Variants in PKHD1L1 observed in about 807,000 individuals in gnomAD.
PKHD1L1 encodes fibrocystin-L.
In PKHD1L1, 434 loss-of-function variants were observed where a neutral mutation model predicts 462.9. That is an observed-to-expected ratio of 0.94 (90% confidence interval 0.87 to 1.02). The LOEUF (loss-of-function observed/expected upper bound fraction) is 1.02. Ranked by LOEUF, PKHD1L1 falls within the 50% of genes least tolerant of loss-of-function variation. The probability of loss-of-function intolerance (pLI) is 0.00; values close to 1 mark genes in which losing one functional copy is unlikely to be tolerated. For missense variants in PKHD1L1, 5,202 were observed against 5,096.1 expected (o/e 1.02, Z -0.63); for synonymous variants, 1,781 against 1,750.0 (o/e 1.02, Z -0.44).
chr8:109,382,609 A>G, intron 4 of PKHD1L1, 38 bp downstream of exon 4: 1 of 1,528,002 alleles, frequency 6.5e-7, no homozygotes. Flanking sequence ...TGTATAGTTG[A>G]TCTTGCTTTC....
rs539383861 is a variant in PKHD1L1 at position 109,505,726 on chromosome 8, C to T, written c.10994+1234C>T. 2.2e-3 allele frequency among the ~76,000 whole-genome samples: 331 copies of T among 151,126 alleles called. 1 individual carries two copies. The highest frequency in any genetic ancestry group is 3.8e-3 in the Non-Finnish European group (259 of 67,802). ...CCAGCCTGGGCAACATAGGGAGATA[C>T]CATCTCTACAAAAAATTAAAAAATA... On this transcript the variant is annotated intron_variant, in intron 68 of 77. Transcript: ENST00000378402.
At position 109,449,223 on chromosome 8, in the gene PKHD1L1, A is replaced by G. The variant is rs558102341; in HGVS notation, c.6026-115A>G. On this transcript the variant is annotated intron_variant, in intron 39 of 77. Coordinates refer to ENST00000378402, the MANE Select transcript of PKHD1L1 (RefSeq NM_177531.6). Reference sequence around the variant, plus strand: ...TGCACTATAATTTCAGTTCTAAAAAACTCTTCATTTAATGTAACTTACTTT... The same window carrying G: ...TGCACTATAATTTCAGTTCTAAAAAGCTCTTCATTTAATGTAACTTACTTT... 7.8e-6 allele frequency: 8 copies of G among 1,031,106 alleles called. No individual in the cohort carries two copies. The East Asian group carries it at 1.9e-4, about 24-fold the overall frequency. The allele number at this position is 1,031,106 out of a possible 1,614,324, so 63.9% of individuals were successfully genotyped here.
intron 10 of PKHD1L1, among the ~76,000 whole-genome samples, 183 bp from the exon 11 acceptor site, chr8:109,395,844 A>T (rs944244274): frequency 6.6e-6 from 1 of 152,178 alleles, no homozygotes; most frequent in Non-Finnish European, 1.5e-5. Flanking sequence ...TGTCAATGCC[A>T]TGTCTATTGT....
Position 109,445,228 on chromosome 8 carries a change from C to G in PKHD1L1, c.5359C>G (p.Gln1787Glu). 6.2e-7 allele frequency: 1 copy of G among 1,614,010 alleles called. No individual in the cohort carries two copies. Among genetic ancestry groups the G allele is most frequent in the South Asian group, 1.1e-5 (1 of 91,086 alleles). ...CATTGCTGTTTTCATTGGAAATCAACAGTTCAGAGCAATAGAGGTTAATGA... is the reference window on the plus strand; with the variant it reads ...CATTGCTGTTTTCATTGGAAATCAAGAGTTCAGAGCAATAGAGGTTAATGA... ...EDIAVFIGNQQFRAIEVNENN... is the reference protein window; with the variant it reads ...EDIAVFIGNQEFRAIEVNENN... The change falls in exon 38 of 78, where the codon CAG becomes GAG. Residue 1787 changes from glutamine to glutamate, a missense_variant. Around this residue, in one of 3 missense-constraint regions of PKHD1L1, gnomAD observed 4,497 missense variants for 4,336.8 expected, o/e 1.04. Coordinates refer to ENST00000378402, the MANE Select transcript of PKHD1L1 (RefSeq NM_177531.6).
Position 109,445,286 on chromosome 8 carries a change from C to G in PKHD1L1, c.5417C>G (p.Pro1806Arg). ...ATCACTGCTCTTGTGACTCCTCTCCCAGTTGGACATCATTCTGTTAGTGTT... is the reference window on the plus strand; with the variant it reads ...ATCACTGCTCTTGTGACTCCTCTCCGAGTTGGACATCATTCTGTTAGTGTT... ...NNITALVTPL[P>R]VGHHSVSVVV... The change falls in exon 38 of 78, where the codon CCA (proline) becomes CGA (arginine). Residue 1806 changes from proline (P) to arginine (R), a missense_variant. By Grantham distance (103) the Pro-to-Arg change is moderately radical. Coordinates refer to ENST00000378402, the MANE Select transcript of PKHD1L1 (RefSeq NM_177531.6). The G allele has an allele frequency of 6.2e-7, 1 of 1,614,000 alleles. No individual in the cohort carries two copies. The highest frequency in any genetic ancestry group is 8.5e-7 in the Non-Finnish European group (1 of 1,179,886).
At position 109,377,515 on chromosome 8, in the gene PKHD1L1, G is replaced by A. The variant is rs553184663; in HGVS notation, c.164-3855G>A. On this transcript the variant is annotated intron_variant, in intron 2 of 77. Transcript: ENST00000378402. ...TCATAGTTTCAAATATAATACTACCGGTTAATTTGCCTAAAGTAGAGTTTT... is the reference window on the plus strand; with the variant it reads ...TCATAGTTTCAAATATAATACTACCAGTTAATTTGCCTAAAGTAGAGTTTT... 3.3e-5 allele frequency among the ~76,000 whole-genome samples: 5 copies of A among 152,124 alleles called. No homozygotes were observed. In the South Asian group the frequency reaches 6.2e-4, roughly 19 times the overall value.
Position 109,443,976 on chromosome 8 carries a change from A to T in PKHD1L1, c.4791+74A>T, listed in dbSNP as rs1055458933. 6.4e-5 allele frequency: 83 copies of T among 1,305,158 alleles called. No homozygotes were observed. The African/African-American group carries it at 1.1e-3, about 18-fold the overall frequency. The allele number at this position is 1,305,158 out of a possible 1,614,324, so 80.8% of individuals were successfully genotyped here. A position where few individuals can be genotyped will look rare whatever the true frequency, so the allele number is the denominator to read the frequency against. On this transcript the variant is annotated intron_variant, in intron 37 of 77. Coordinates refer to ENST00000378402, the MANE Select transcript of PKHD1L1 (RefSeq NM_177531.6). ...AAAGTATTTTGACGATAACCTTGTT[A>T]TTTAATTTTTACCAGCTTTATTGAG...
intron 2 of PKHD1L1, among the ~76,000 whole-genome samples, chr8:109,380,620 G>C (rs1466710887): frequency 6.6e-6 from 1 of 152,182 alleles, no homozygotes; most frequent in Non-Finnish European, 1.5e-5. Context: ...GACCAGATTT[G>C]ATGAATAAAT....
At chr8:109,441,965 T>C in intron 34 of PKHD1L1, 42 bp from the exon 35 acceptor site, 1 of 1,467,674 alleles carries the variant, frequency 6.8e-7, no homozygotes, top group Non-Finnish European at 9.0e-7. Context: ...TATTAAGAAA[T>C]TCTCTTTTTC....
chr8:109,494,843 AC>A (rs1453976396), intron 63 of PKHD1L1, among the ~76,000 whole-genome samples: 6 of 151,932 alleles, frequency 3.9e-5, no homozygotes, highest in Non-Finnish European at 7.4e-5. Context: ...ATAAATAATT[AC>A]CAGATCAAAA....
chr8:109,509,005 A>G (rs1819840349), intron 70 of PKHD1L1, among the ~76,000 whole-genome samples: 1 of 152,198 alleles, frequency 6.6e-6, no homozygotes, highest in African/African-American at 2.4e-5. Context: ...AAACAGGCTT[A>G]GATTAGGATC....
chr8:109,486,208 G>C (rs1021874753), intron 58 of PKHD1L1, among the ~76,000 whole-genome samples: 1 of 151,956 alleles, frequency 6.6e-6, no homozygotes, highest in African/African-American at 2.4e-5. Context: ...CCAAGGTTTA[G>C]GTGGCAGGAG....
chr8:109,397,571 T>C (rs1398508373), intron 11 of PKHD1L1, among the ~76,000 whole-genome samples: 1 of 152,006 alleles, frequency 6.6e-6, no homozygotes, highest in Non-Finnish European at 1.5e-5. Context: ...ATGCCCGTAG[T>C]TCCAGCTACT....
At chr8:109,519,706 C>T (rs998894739) in intron 73 of PKHD1L1, among the ~76,000 whole-genome samples, 1 of 152,120 alleles carries the variant, frequency 6.6e-6, no homozygotes, top group Non-Finnish European at 1.5e-5. Context: ...CTGGGAGGGG[C>T]TTTCACTTTC....
rs1378827049 is a variant in PKHD1L1, at chr8:109,389,231, C to T, written c.697+79C>T. On this transcript the variant is annotated intron_variant, in intron 8 of 77. Coordinates refer to ENST00000378402, the MANE Select transcript of PKHD1L1 (RefSeq NM_177531.6). ...CCTGTTTTGTATTCTCCTAGACCTC[C>T]CTCCTCTGCCCTTTTGGATCAGGTG... 13 of 1,050,626 alleles carry T rather than the reference C, an allele frequency of 1.2e-5. No homozygotes were observed. The East Asian group carries it at 3.3e-4, about 27-fold the overall frequency. 65.1% of individuals were successfully genotyped at this position (1,050,626 alleles called of 1,614,324 possible). A position where few individuals can be genotyped will look rare whatever the true frequency, so the allele number is the denominator to read the frequency against.
intron 38 of PKHD1L1, 138 bp downstream of exon 38, chr8:109,445,783 A>T (rs1816104832): frequency 4.2e-6 from 4 of 944,954 alleles, no homozygotes; most frequent in African/African-American, 1.7e-5. Context: ...CCTGGGATTC[A>T]AGCTCTGTGT....
intron 21 of PKHD1L1, among the ~76,000 whole-genome samples, chr8:109,414,937 G>T (rs1814056165): frequency 6.6e-6 from 1 of 150,708 alleles, no homozygotes; most frequent in African/African-American, 2.4e-5. Flanking sequence ...AATTTCAATT[G>T]TCCTGTTTTC....
chr8:109,454,389 CT>C (rs1816704513), intron 44 of PKHD1L1, 143 bp downstream of exon 44: 1 of 667,538 alleles, frequency 1.5e-6, no homozygotes. Context: ...GTATAAAATC[CT>C]TTATGCAAGG....
Position 109,394,417 on chromosome 8 carries a change from G to T in PKHD1L1, c.743G>T (p.Ser248Ile). Residue 248 changes from serine (S) to isoleucine (I), a missense_variant and splice_region_variant, in exon 10 of 78, where the codon AGT becomes ATT. Physicochemically the swap from Ser to Ile is moderately radical, Grantham distance 142. Transcript: ENST00000378402. ...SFILDNDYGR[S>I]FPQKMAYFVS... is the part of the protein sequence containing the mutation. ...AAAATTTAATCTTTTTTTAACAGGA[G>T]TTTTCCACAGAAAATGGCATATTTT... 6.7e-7 allele frequency: 1 copy of T among 1,481,812 alleles called. No homozygotes were observed. The highest frequency in any genetic ancestry group is 9.0e-7 in the Non-Finnish European group (1 of 1,105,902). 91.8% of individuals were successfully genotyped at this position (1,481,812 alleles called of 1,614,324 possible).
Sources: gnomAD v4.1 joint callset for allele counts (sites outside exome capture counted in the v4.1 genomes callset) on GRCh38, gnomAD v4.1.1 for gene constraint, gnomAD v4.1.1 regional missense constraint, MANE v1.5 for transcripts, NCBI Gene and HGNC (gene_info 2026-07-23, HGNC 2026-07-21) for gene names.